Variants in SULF1 observed in about 807,000 individuals in gnomAD.
SULF1 encodes the protein extracellular sulfatase Sulf-1.
Under a neutral mutation model 110.5 loss-of-function variants are expected in SULF1, and 46 were observed. The ratio of observed to expected loss-of-function variants is 0.42; its 90% CI spans 0.33 to 0.53. SULF1 has a LOEUF of 0.53. SULF1 is among the 20% of genes least tolerant of loss of function. SULF1 has a pLI of 0.12. For synonymous variants in SULF1, 371 were observed against 387.1 expected, an observed-to-expected ratio of 0.96 and a Z score of 0.49; for missense variants, 941 against 1,094.2, an observed-to-expected ratio of 0.86 and a Z score of 1.98.
chr8:69,567,419 T>C (rs970669314), intron 5 of SULF1, among the ~76,000 whole-genome samples: 1 of 152,152 alleles, frequency 6.6e-6, no homozygotes, highest in Non-Finnish European at 1.5e-5. Context: ...TTTACATTGG[T>C]GTGTAACCCA....
chr8:69,636,424 C>G (rs1811016866), intron 19 of SULF1, among the ~76,000 whole-genome samples: 1 of 151,966 alleles, frequency 6.6e-6, no homozygotes, highest in Non-Finnish European at 1.5e-5. Context: ...GTAGTCCCAG[C>G]TACTTGGGAG....
chr8:69,616,178 A>G (rs1247196766), intron 13 of SULF1, among the ~76,000 whole-genome samples: 4 of 145,748 alleles, frequency 2.7e-5, no homozygotes, highest in East Asian at 4.0e-4. Flanking sequence ...ATATATGTGT[A>G]TATAAATATA....
chr8:69,538,052 C>T (rs563881023), intron 3 of SULF1, among the ~76,000 whole-genome samples: 4 of 151,920 alleles, frequency 2.6e-5, no homozygotes, highest in Admixed American at 6.5e-5. Context: ...GCTCCGCCCC[C>T]CGGGGTTCAC....
chr8:69,491,500 C>T (rs1233840422), upstream of SULF1, among the ~76,000 whole-genome samples: 1 of 152,220 alleles, frequency 6.6e-6, no homozygotes, highest in African/African-American at 2.4e-5. Context: ...AAAGGAACAA[C>T]AGATGCCAAC....
Position 69,651,051 on chromosome 8 carries a change from CTTTTCTTT to C in SULF1, c.2586-7449_2586-7442del, listed in dbSNP as rs1305596190. The stretch of plus-strand genomic sequence containing the variant: ...TCTATCAACATCTATTCTTTTTTTT[CTTTTCTTT>C]TTTTTTTTTTTTGAGACAGAGTTTT... On this transcript the variant is annotated intron_variant, in intron 22 of 22. Transcript: ENST00000402687. 3.7e-3 allele frequency among the ~76,000 whole-genome samples: 490 copies of C among 134,186 alleles called. 5 individuals carry two copies. Among genetic ancestry groups the C allele is most frequent in the African/African-American group, 0.013 (466 of 36,632 alleles). The allele number at this position is 134,186 out of a possible 152,430, so 88.0% of individuals were successfully genotyped here.
chr8:69,634,457 G>T (rs1157958963), intron 19 of SULF1, among the ~76,000 whole-genome samples: 1 of 152,162 alleles, frequency 6.6e-6, no homozygotes, highest in Non-Finnish European at 1.5e-5. Flanking sequence ...AGGTCAGAAA[G>T]GATATGAAAA....
rs895464435 is a variant in SULF1 at position 69,660,685 on chromosome 8, C to T, written c.*2150C>T. On this transcript the variant is annotated 3_prime_UTR_variant, in exon 23 of 23. Coordinates refer to ENST00000402687, the MANE Select transcript of SULF1 (RefSeq NM_001128205.2). ...TTAAATCTTTATCATAGACTCTGTA[C>T]ATATGTTCAAATTAGCTGCTTGCCT... 1 of 152,556 alleles carries T rather than the reference C, an allele frequency of 6.6e-6. No homozygotes were observed. The highest frequency in any genetic ancestry group is 6.6e-5 in the Admixed American group (1 of 15,264). 9.5% of individuals were successfully genotyped at this position (152,556 alleles called of 1,614,324 possible).
At chr8:69,544,727 C>T (rs1814126381) in intron 3 of SULF1, among the ~76,000 whole-genome samples, 2 of 152,174 alleles carry the variant, frequency 1.3e-5, no homozygotes, top group Non-Finnish European at 2.9e-5. Flanking sequence ...CAGATGAAGA[C>T]AGATAATCAA....
rs367692628 is a variant in SULF1, at chr8:69,486,461, G to A, written c.-390-9304G>A. ...CCCAGTCATTAATTACATGGAGGCAGTTTACATTTTCCTGCAATTTACACC... is the reference window on the plus strand; with the variant it reads ...CCCAGTCATTAATTACATGGAGGCAATTTACATTTTCCTGCAATTTACACC... On this transcript the variant is annotated intron_variant, in intron 1 of 22. Transcript: ENST00000260128. 9.9e-5 allele frequency among the ~76,000 whole-genome samples: 15 copies of A among 152,210 alleles called. No homozygotes were observed. In the East Asian group the frequency reaches 2.7e-3, roughly 27 times the overall value.
At chr8:69,547,415 A>T (rs925182076) in intron 3 of SULF1, among the ~76,000 whole-genome samples, 4 of 152,228 alleles carry the variant, frequency 2.6e-5, no homozygotes, top group African/African-American at 9.6e-5. Context: ...ATTATTATCA[A>T]TGTAAGGTCA....
upstream of SULF1, among the ~76,000 whole-genome samples, chr8:69,488,852 A>C (rs929227565): frequency 6.6e-6 from 1 of 152,126 alleles, no homozygotes; most frequent in South Asian, 2.1e-4. Flanking sequence ...GGACAAGCAG[A>C]GGCTGCAGGA....
Position 69,627,379 on chromosome 8 carries a change from T to C in SULF1, c.1947+73T>C, listed in dbSNP as rs1249011035. On this transcript the variant is annotated intron_variant, in intron 16 of 22. Coordinates refer to ENST00000402687, the MANE Select transcript of SULF1 (RefSeq NM_001128205.2). ...GGCCTGCCAGCCCTGCTGTGTCTGG[T>C]GGGACATACCACAGATACACATCAT... is the stretch of plus-strand genomic sequence containing the variant. 5.5e-6 allele frequency: 6 copies of C among 1,086,976 alleles called. No homozygotes were observed. The East Asian group carries it at 1.4e-4, about 26-fold the overall frequency. 67.3% of individuals were successfully genotyped at this position (1,086,976 alleles called of 1,614,324 possible).
intron 5 of SULF1, among the ~76,000 whole-genome samples, chr8:69,566,104 C>T (rs1207734600): frequency 6.6e-6 from 1 of 151,922 alleles, no homozygotes; most frequent in Non-Finnish European, 1.5e-5. Context: ...CCATAGCCTT[C>T]CATGCCTGTC....
intron 3 of SULF1, among the ~76,000 whole-genome samples, chr8:69,533,250 ATTTTAT>A (rs1813223143): frequency 1.3e-5 from 2 of 152,104 alleles, no homozygotes; most frequent in South Asian, 2.1e-4. Flanking sequence ...AGTTTTTTAT[ATTTTAT>A]TTTAAGTTCC....
At chr8:69,568,581 A>G (rs951113340) in intron 5 of SULF1, among the ~76,000 whole-genome samples, 2 of 152,228 alleles carry the variant, frequency 1.3e-5, no homozygotes, top group African/African-American at 4.8e-5. Flanking sequence ...TAGGACAAAG[A>G]TCATCATCCC....
At chr8:69,597,079 AG>A (rs1807397743) in intron 8 of SULF1, 1 of 152,234 alleles carries the variant, frequency 6.6e-6, no homozygotes, top group South Asian at 2.1e-4. Context: ...TCCCAAAAAC[AG>A]GTACCTGCTT....
intron 3 of SULF1, among the ~76,000 whole-genome samples, chr8:69,513,287 A>G (rs956963111): frequency 4.6e-5 from 7 of 152,170 alleles, no homozygotes; most frequent in African/African-American, 1.7e-4. Context: ...CTATTTGCTT[A>G]TGTGTTTGAA....
chr8:69,473,444 G>T (rs1055895618), intron 1 of SULF1: 1 of 152,150 alleles, frequency 6.6e-6, no homozygotes, highest in African/African-American at 2.4e-5. Context: ...ATTTTGGGTC[G>T]TACTAATCAA....
Position 69,633,921 on chromosome 8 carries a change from T to C in SULF1, c.2284+4242T>C, listed in dbSNP as rs115723829. On this transcript the variant is annotated intron_variant, in intron 19 of 22. Transcript: ENST00000402687. Reference sequence around the variant, plus strand: ...GTATTTGTATATTTCATGAAACAAGTTTAAAACCCATTTAAACGGTTAATT... The same window carrying C: ...GTATTTGTATATTTCATGAAACAAGCTTAAAACCCATTTAAACGGTTAATT... Among the ~76,000 whole-genome samples, 915 of 152,256 alleles carry C rather than the reference T, an allele frequency of 6.0e-3. 12 individuals are homozygous for C. The highest frequency in any genetic ancestry group is 0.021 in the African/African-American group (859 of 41,546).
Sources: gnomAD v4.1 joint callset for allele counts (sites outside exome capture counted in the v4.1 genomes callset) on GRCh38, gnomAD v4.1.1 for gene constraint, MANE v1.5 for transcripts, NCBI Gene and HGNC (gene_info 2026-07-23, HGNC 2026-07-21) for gene names.